PRKCB: variants seen among roughly 807,000 people sequenced by gnomAD.
The protein encoded by PRKCB is protein kinase C beta, also known as protein kinase C beta type.
In PRKCB, 13 loss-of-function variants were observed where a neutral mutation model predicts 81.5. The ratio of observed to expected loss-of-function variants is 0.16; its 90% confidence interval spans 0.10 to 0.25. PRKCB has a LOEUF of 0.25. PRKCB is among the 10% of genes least tolerant of loss of function. The pLI is 1.00. For synonymous variants in PRKCB, 335 were observed against 321.4 expected, an observed-to-expected ratio of 1.04 and a Z score of -0.45; for missense variants, 509 against 875.7, an observed-to-expected ratio of 0.58 and a Z score of 5.29.
intron 15 of PRKCB, among the ~76,000 whole-genome samples, chr16:24,186,006 C>T (rs963950360): frequency 4.6e-5 from 7 of 152,142 alleles, no homozygotes; most frequent in African/African-American, 7.2e-5. Context: ...AATACCACGC[C>T]GTGTTGAGGT....
chr16:24,065,969 A>G (rs924737779), intron 5 of PRKCB, among the ~76,000 whole-genome samples: 1 of 151,842 alleles, frequency 6.6e-6, no homozygotes, highest in African/African-American at 2.4e-5. Flanking sequence ...TGATTTTGTC[A>G]GTCTTATTGT....
At position 24,219,262 on chromosome 16, in the gene PRKCB, T is replaced by TTTG. The variant is rs1968282301; in HGVS notation, c.*4449_*4451dup. 1 of 985,354 alleles carries TTTG rather than the reference T, an allele frequency of 1.0e-6. No individual in the cohort carries two copies. The allele number at this position is 985,354 out of a possible 1,614,324, so 61.0% of individuals were successfully genotyped here. A position where few individuals can be genotyped will look rare whatever the true frequency, so the allele number is the denominator to read the frequency against. ...TTGAGTTTCTTTTGTTTTGTTTTGT[T>TTTG]TTGTTTTGTTTTAAGGCTCCCCTTA... On this transcript the variant is annotated 3_prime_UTR_variant, in exon 17 of 17. Transcript: ENST00000643927.
At chr16:23,950,940 A>G (rs1964272126) in intron 2 of PRKCB, among the ~76,000 whole-genome samples, 1 of 151,960 alleles carries the variant, frequency 6.6e-6, no homozygotes, top group Non-Finnish European at 1.5e-5. Context: ...TCAATGGGGT[A>G]CTCTATTCCC....
intron 4 of PRKCB, among the ~76,000 whole-genome samples, chr16:24,034,084 CA>C (rs1965582900): frequency 6.6e-6 from 1 of 152,172 alleles, no homozygotes; most frequent in Admixed American, 6.5e-5. Context: ...AGAAACATGG[CA>C]AGAGCCACAG....
At chr16:23,967,405 G>C (rs1264802975) in intron 2 of PRKCB, among the ~76,000 whole-genome samples, 1 of 152,208 alleles carries the variant, frequency 6.6e-6, no homozygotes, top group Non-Finnish European at 1.5e-5. Flanking sequence ...AATGCATTGG[G>C]TCAGGACAGC....
At chr16:24,143,650 G>A (rs996422127) in intron 9 of PRKCB, among the ~76,000 whole-genome samples, 1 of 152,170 alleles carries the variant, frequency 6.6e-6, no homozygotes, top group Non-Finnish European at 1.5e-5. Context: ...CCCTCCCCAA[G>A]TTGACCTCAG....
chr16:23,865,517 A>ATG lies in PRKCB; in HGVS notation c.205+28163_205+28164dup, dbSNP rs1160958906. On this transcript the variant is annotated intron_variant, in intron 2 of 16. Transcript: ENST00000643927. ...TATATATATATATATATATATATATATGTGTGTGTGTGTGTGTGTGTGTGT... is the reference window on the plus strand; with the variant it reads ...TATATATATATATATATATATATATATGTGTGTGTGTGTGTGTGTGTGTGTGT... 1.8e-3 allele frequency among the ~76,000 whole-genome samples: 12 copies of ATG among 6,762 alleles called. 1 individual carries two copies. The highest frequency in any genetic ancestry group is 2.7e-3 in the Non-Finnish European group (11 of 4,116). 4.4% of individuals were successfully genotyped at this position (6,762 alleles called of 152,430 possible).
chr16:23,900,541 T>A (rs182378054), intron 2 of PRKCB, among the ~76,000 whole-genome samples: 1 of 152,296 alleles, frequency 6.6e-6, no homozygotes, highest in East Asian at 1.9e-4. Context: ...ACTACTGTCA[T>A]TAGTCTCCTA....
At chr16:24,153,331 C>T (rs1967106835) in intron 9 of PRKCB, among the ~76,000 whole-genome samples, 2 of 152,160 alleles carry the variant, frequency 1.3e-5, no homozygotes. Flanking sequence ...GCACCTACTT[C>T]CTATGATGTT....
At chr16:24,091,155 C>A (rs1966372858) in intron 5 of PRKCB, among the ~76,000 whole-genome samples, 1 of 152,160 alleles carries the variant, frequency 6.6e-6, no homozygotes, top group Non-Finnish European at 1.5e-5. Context: ...AATGGAATTG[C>A]ATTTATCATG....
intron 2 of PRKCB, among the ~76,000 whole-genome samples, chr16:23,923,949 G>A (rs117646361): frequency 5.9e-5 from 9 of 152,140 alleles, no homozygotes; most frequent in African/African-American, 1.2e-4. Flanking sequence ...TCCTTGAAGC[G>A]CTCCCTATAA....
At chr16:23,878,329 T>C (rs1963049663) in intron 2 of PRKCB, among the ~76,000 whole-genome samples, 1 of 152,168 alleles carries the variant, frequency 6.6e-6, no homozygotes, top group Non-Finnish European at 1.5e-5. Context: ...CCTTAATATA[T>C]ATTGTTGACT....
rs1567333977 is a variant in PRKCB at position 23,982,126 on chromosome 16, TCCC to T, written c.206-6381_206-6379del. Among the ~76,000 whole-genome samples, 82 of 31,996 alleles carry T rather than the reference TCCC, an allele frequency of 2.6e-3. 1 individual carries two copies. Among genetic ancestry groups the T allele is most frequent in the South Asian group, 6.0e-3 (2 of 336 alleles). The allele number at this position is 31,996 out of a possible 152,430, so 21.0% of individuals were successfully genotyped here. ...CCTTCCCTTCCCTTTCCCTTCCCCTTCCCTTCCCTTTCCCTTCCCTTTCCCTTC... is the reference window on the plus strand; with the variant it reads ...CCTTCCCTTCCCTTTCCCTTCCCCTTTTCCCTTTCCCTTCCCTTTCCCTTC... On this transcript the variant is annotated intron_variant, in intron 2 of 16. Transcript: ENST00000643927.
In PRKCB at chr16:23,968,877, G is replaced by T. The variant is rs75536873; in HGVS notation, c.206-19631G>T. 3.9e-3 allele frequency among the ~76,000 whole-genome samples: 591 copies of T among 152,230 alleles called. 1 individual carries two copies. The highest frequency in any genetic ancestry group is 0.01 in the Middle Eastern group (3 of 294). On this transcript the variant is annotated intron_variant, in intron 2 of 16. Transcript: ENST00000643927. ...TGAGATTCAGTGTGGGTTTCAAACC[G>T]TTTCTAGGAGCTAAAGGTCCTGAGA...
intron 3 of PRKCB, among the ~76,000 whole-genome samples, chr16:24,002,761 C>T (rs1965056110): frequency 6.6e-6 from 1 of 152,118 alleles, no homozygotes; most frequent in Admixed American, 6.6e-5. Context: ...GGCCAAGGAG[C>T]ATGCGGGGAT....
chr16:23,945,802 A>G (rs1326670281), intron 2 of PRKCB, among the ~76,000 whole-genome samples: 4 of 152,252 alleles, frequency 2.6e-5, no homozygotes, highest in Non-Finnish European at 5.9e-5. Context: ...CCTGGTATGC[A>G]GTGCTTGCCA....
intron 2 of PRKCB, among the ~76,000 whole-genome samples, chr16:23,958,626 C>T (rs755907490): frequency 1.3e-4 from 20 of 152,064 alleles, no homozygotes; most frequent in African/African-American, 3.4e-4. Flanking sequence ...ATACTTAGCA[C>T]GGCACTTGGC....
chr16:23,992,281 T>C (rs1051168543), intron 3 of PRKCB, among the ~76,000 whole-genome samples: 2 of 152,166 alleles, frequency 1.3e-5, no homozygotes, highest in Non-Finnish European at 2.9e-5. Flanking sequence ...TAACAGTGTA[T>C]AGAGGAACAA....
At chr16:24,173,591 A>T (rs956989478) in intron 11 of PRKCB, among the ~76,000 whole-genome samples, 1 of 152,184 alleles carries the variant, frequency 6.6e-6, no homozygotes, top group Non-Finnish European at 1.5e-5. Flanking sequence ...TACTTCTAAC[A>T]TCTAATTGAC....
Sources: allele counts gnomAD v4.1 joint callset (sites outside exome capture counted in the v4.1 genomes callset), GRCh38; gene constraint gnomAD v4.1.1; transcripts MANE v1.5; gene names NCBI Gene and HGNC (gene_info 2026-07-23, HGNC 2026-07-21).